Variants in GAB2 observed in about 807,000 individuals in gnomAD.
The protein encoded by GAB2 is GRB2 associated binding protein 2.
In GAB2, 26 loss-of-function variants were observed where a neutral mutation model predicts 65.5. The ratio of observed to expected loss-of-function variants is 0.40; its 90% confidence interval spans 0.29 to 0.55. GAB2 has a LOEUF of 0.55. GAB2 is among the 20% of genes least tolerant of loss of function. GAB2 has a pLI of 0.53. For missense variants in GAB2, 884 were observed against 875.8 expected, an observed-to-expected ratio of 1.01 and a Z score of -0.12; for synonymous variants, 321 against 329.6, an observed-to-expected ratio of 0.97 and a Z score of 0.28.
chr11:78,377,164 A>G (rs12291726), intron 1 of GAB2, among the ~76,000 whole-genome samples: 24,556 of 152,194 alleles, frequency 0.16, 2,648 homozygotes, highest in East Asian at 0.41. Context: ...TTCATTTTAA[A>G]TTATCCAGTC....
chr11:78,279,610 G>A (rs1240662805), intron 2 of GAB2, among the ~76,000 whole-genome samples: 4 of 151,860 alleles, frequency 2.6e-5, no homozygotes, highest in East Asian at 3.9e-4. Flanking sequence ...ATAAGCAGTC[G>A]CTTCTCACAC....
intron 3 of GAB2, among the ~76,000 whole-genome samples, chr11:78,242,867 T>G (rs1403272895): frequency 6.6e-6 from 1 of 151,840 alleles, no homozygotes; most frequent in East Asian, 1.9e-4. Flanking sequence ...AAGATCCAAA[T>G]AAATACAAAA....
At chr11:78,232,966 T>C (rs1324785598) in intron 3 of GAB2, among the ~76,000 whole-genome samples, 1 of 152,128 alleles carries the variant, frequency 6.6e-6, no homozygotes, top group African/African-American at 2.4e-5. Context: ...GAGCACCTAG[T>C]ATATAATGTG....
chr11:78,253,993 T>C (rs1865529076), intron 2 of GAB2, among the ~76,000 whole-genome samples: 1 of 152,164 alleles, frequency 6.6e-6, no homozygotes, highest in Non-Finnish European at 1.5e-5. Flanking sequence ...GCTGTGAGTA[T>C]GAATAAAAGA....
intron 1 of GAB2, among the ~76,000 whole-genome samples, chr11:78,357,990 G>C (rs1856381727): frequency 6.6e-6 from 1 of 152,100 alleles, no homozygotes; most frequent in Admixed American, 6.6e-5. Flanking sequence ...AAAGACACAT[G>C]TACATGTATG....
intron 1 of GAB2, among the ~76,000 whole-genome samples, chr11:78,375,890 T>TGCC (rs1856625890): frequency 6.6e-6 from 1 of 152,186 alleles, no homozygotes; most frequent in African/African-American, 2.4e-5. Context: ...TTCTGGTGCC[T>TGCC]GCCAGATGTG....
At chr11:78,320,918 G>A (rs953287310) in intron 1 of GAB2, among the ~76,000 whole-genome samples, 53 of 152,054 alleles carry the variant, frequency 3.5e-4, no homozygotes, top group Non-Finnish European at 6.9e-4. Context: ...GGCTTAAACT[G>A]TGGTGGGCAA....
At chr11:78,336,308 C>G (rs1855997170) in intron 1 of GAB2, among the ~76,000 whole-genome samples, 1 of 110,206 alleles carries the variant, frequency 9.1e-6, no homozygotes, top group Non-Finnish European at 1.7e-5. Context: ...GCCCGGGCGA[C>G]AGAGCGAGAC....
chr11:78,358,021 A>C (rs1412219595), intron 1 of GAB2, among the ~76,000 whole-genome samples: 6 of 152,266 alleles, frequency 3.9e-5, no homozygotes, highest in African/African-American at 1.4e-4. Flanking sequence ...CACTATTCAC[A>C]ATAGCAAAGA....
chr11:78,316,042 C>G (rs916269939), intron 1 of GAB2, among the ~76,000 whole-genome samples: 9 of 152,162 alleles, frequency 5.9e-5, no homozygotes, highest in African/African-American at 2.2e-4. Context: ...CACTCCCCCT[C>G]CCCCTGCCAT....
chr11:78,327,770 T>C (rs1855848847), intron 1 of GAB2, among the ~76,000 whole-genome samples: 1 of 152,178 alleles, frequency 6.6e-6, no homozygotes, highest in Admixed American at 6.5e-5. Flanking sequence ...GACAGCTGGG[T>C]TTATATCCTA....
intron 1 of GAB2, 42 bp from the exon 2 acceptor site, chr11:78,280,943 C>T (rs1413882856): frequency 6.6e-7 from 1 of 1,522,342 alleles, no homozygotes; most frequent in Non-Finnish European, 9.0e-7. Context: ...GGGAAGAAGT[C>T]ATTAGTTATT....
intron 1 of GAB2, among the ~76,000 whole-genome samples, chr11:78,360,056 A>C (rs1856412752): frequency 3.9e-5 from 6 of 152,196 alleles, no homozygotes; most frequent in Admixed American, 3.9e-4. Context: ...GAGGAGGAAG[A>C]GACAGTGTGA....
intron 1 of GAB2, among the ~76,000 whole-genome samples, chr11:78,371,370 A>G (rs1856569503): frequency 6.6e-6 from 1 of 152,244 alleles, no homozygotes; most frequent in African/African-American, 2.4e-5. Context: ...TAGGTTGCTG[A>G]TCTGTATAAT....
intron 1 of GAB2, among the ~76,000 whole-genome samples, chr11:78,389,718 G>A (rs1856810099): frequency 6.6e-6 from 1 of 152,098 alleles, no homozygotes; most frequent in African/African-American, 2.4e-5. Flanking sequence ...GACTTTTATG[G>A]TATGTGAATT....
chr11:78,221,974 C>G (rs2629608), intron 7 of GAB2, 131 bp downstream of exon 7: 7 of 722,550 alleles, frequency 9.7e-6, no homozygotes, highest in South Asian at 1.6e-5. Context: ...CACAAGACAT[C>G]GAGACATGAT....
intron 2 of GAB2, among the ~76,000 whole-genome samples, chr11:78,264,517 C>T (rs971936100): frequency 6.6e-6 from 1 of 152,016 alleles, no homozygotes; most frequent in African/African-American, 2.4e-5. Context: ...TTTCCTGCCG[C>T]AGCCTCCTGA....
Position 78,216,891 on chromosome 11 carries a change from C to G in GAB2, c.*2381G>C. 1 of 152,278 alleles carries G rather than the reference C, an allele frequency of 6.6e-6. No individual in the cohort carries two copies. Among genetic ancestry groups the G allele is most frequent in the East Asian group, 1.9e-4 (1 of 5,188 alleles). The allele number at this position is 152,278 out of a possible 1,614,324, so 9.4% of individuals were successfully genotyped here. ...GAACCAGCACCCTGCCAACTCTGCC[C>G]AGTGTAGCTACCACCACTGCTTCCA... On this transcript the variant is annotated 3_prime_UTR_variant, in exon 10 of 10. Coordinates refer to ENST00000361507, the MANE Select transcript of GAB2 (RefSeq NM_080491.3).
chr11:78,399,655 T>G (rs2135077677), intron 1 of GAB2, among the ~76,000 whole-genome samples: 1 of 152,314 alleles, frequency 6.6e-6, no homozygotes, highest in Admixed American at 6.5e-5. Context: ...ACATTGTACA[T>G]TCCAGGTATG....
Sources: allele counts gnomAD v4.1 joint callset (sites outside exome capture counted in the v4.1 genomes callset), GRCh38; gene constraint gnomAD v4.1.1; transcripts MANE v1.5; gene names NCBI Gene and HGNC (gene_info 2026-07-23, HGNC 2026-07-21).